The following COX4I2 variants were observed in gnomAD, a reference collection of about 807,000 sequenced individuals.
COX4I2 encodes the protein cytochrome c oxidase subunit 4 isoform 2, mitochondrial.
Under a neutral mutation model 20.8 loss-of-function variants are expected in COX4I2, and 15 were observed. The observed-to-expected ratio is 0.72, with a 90% CI of 0.48 to 1.11. The LOEUF (loss-of-function observed/expected upper bound fraction) is 1.11, where lower values mean the gene tolerates loss of function less well. Among genes scored for constraint, COX4I2 ranks in the 50% most tolerant of loss-of-function variants. COX4I2 has a pLI of 0.00. For synonymous variants in COX4I2, 80 were observed against 78.1 expected (o/e 1.02, Z -0.13); for missense variants, 224 against 223.0 (o/e 1.00, Z -0.03).
In COX4I2 at chr20:31,639,961, CACCA is replaced by C. The variant is rs2060457877; in HGVS notation, c.114_117del (p.Asn39AlafsTer25). On this transcript the variant is annotated frameshift_variant, in exon 3 of 5. Coordinates refer to ENST00000376075, the MANE Select transcript of COX4I2 (RefSeq NM_032609.3). LOFTEE classifies it high-confidence loss of function. ...GTGGTGGGGGGAAGATGTCCCCCTA[CACCA>C]ACTGCTATGCCCAGCGCTACTACCC... 1 of 1,614,056 alleles carries C rather than the reference CACCA, an allele frequency of 6.2e-7. No homozygotes were observed. Among genetic ancestry groups the C allele is most frequent in the Admixed American group, 1.7e-5 (1 of 59,998 alleles).
At chr20:31,640,118 G>A in intron 3 of COX4I2, 21 bp downstream of exon 3, 1 of 1,593,986 alleles carries the variant, frequency 6.3e-7, no homozygotes, top group Non-Finnish European at 8.5e-7. Flanking sequence ...GGGTGGGGCT[G>A]GCTGGAGAGA....
chr20:31,644,117 C>T (rs997609390), intron 4 of COX4I2, among the ~76,000 whole-genome samples: 19 of 152,136 alleles, frequency 1.2e-4, no homozygotes, highest in Admixed American at 4.6e-4. Context: ...GGTGGCCTGT[C>T]CCCATATTTT....
At chr20:31,643,344 G>A (rs1173043246) in intron 3 of COX4I2, 60 bp from the exon 4 acceptor site, 2 of 1,607,552 alleles carry the variant, frequency 1.2e-6, no homozygotes, top group African/African-American at 2.7e-5. Context: ...GGAGGGGGAA[G>A]CCGGGATCAC....
rs2060457961 is a variant in COX4I2 at position 31,639,967 on chromosome 20, C to T, written c.117C>T (p.Asn39=). The change falls in exon 3 of 5, where the codon AAC becomes AAT. Residue 39 remains asparagine, a synonymous_variant. Transcript: ENST00000376075. The part of the protein sequence containing the change: ...RGGGKMSPYT[N]CYAQRYYPMP... ...GGGGGAAGATGTCCCCCTACACCAACTGCTATGCCCAGCGCTACTACCCCA... is the reference window on the plus strand; with the variant it reads ...GGGGGAAGATGTCCCCCTACACCAATTGCTATGCCCAGCGCTACTACCCCA... The T allele has an allele frequency of 1.2e-6, 2 of 1,614,038 alleles. No homozygotes were observed. The highest frequency in any genetic ancestry group is 2.7e-5 in the African/African-American group (2 of 74,938).
intron 1 of COX4I2, among the ~76,000 whole-genome samples, chr20:31,638,240 G>T (rs1352053196): frequency 6.6e-6 from 1 of 151,876 alleles, no homozygotes; most frequent in Non-Finnish European, 1.5e-5. Context: ...CAGAAGTGTG[G>T]GCCGCCCCCT....
rs1300410905 is a variant in COX4I2, at chr20:31,643,420, C to T, written c.264C>T (p.Phe88=). 2 of 1,614,064 alleles carry T rather than the reference C, an allele frequency of 1.2e-6. No individual in the cohort carries two copies. Among genetic ancestry groups the T allele is most frequent in the Admixed American group, 1.7e-5 (1 of 59,994 alleles). ...TGCCTCCAGTGTACCGGCTCCAGTT[C>T]AATGAGACCTTTGCGGAGATGAACC... is the stretch of plus-strand genomic sequence containing the variant. ...AEKVALYRLQ[F]NETFAEMNRR... Residue 88 remains phenylalanine, a synonymous_variant, in exon 4 of 5, where the codon TTC becomes TTT. Transcript: ENST00000376075.
chr20:31,638,881 C>T, intron 1 of COX4I2, 137 bp from the exon 2 acceptor site: 2 of 925,270 alleles, frequency 2.2e-6, no homozygotes, highest in Non-Finnish European at 3.4e-6. Context: ...GGGTCAAGGG[C>T]ATGAGGGTGA....
chr20:31,644,652 G>A (rs962383635), intron 4 of COX4I2, 116 bp from the exon 5 acceptor site: 2 of 1,202,676 alleles, frequency 1.7e-6, no homozygotes, highest in East Asian at 2.4e-5. Flanking sequence ...CTTCAACCCT[G>A]GAGTATCTTG....
chr20:31,642,740 C>A (rs2060475546), intron 3 of COX4I2, among the ~76,000 whole-genome samples: 1 of 152,056 alleles, frequency 6.6e-6, no homozygotes, highest in Admixed American at 6.6e-5. Flanking sequence ...CCCGGACTTA[C>A]CTGGCTAATT....
chr20:31,638,968 G>A lies in COX4I2; in HGVS notation c.1-50G>A, dbSNP rs1318931007. The A allele has an allele frequency of 1.9e-6, 3 of 1,555,888 alleles. No individual in the cohort carries two copies. In the Admixed American group the frequency reaches 5.6e-5, roughly 29 times the overall value. On this transcript the variant is annotated intron_variant, in intron 1 of 4. Coordinates refer to ENST00000376075, the MANE Select transcript of COX4I2 (RefSeq NM_032609.3). Reference sequence around the variant, plus strand: ...TTTCCATCTGGCCCTGCGGTTTGGGGGCAGAGGGTGATGTGGGGGCAGAAC... The same window carrying A: ...TTTCCATCTGGCCCTGCGGTTTGGGAGCAGAGGGTGATGTGGGGGCAGAAC...
intron 3 of COX4I2, among the ~76,000 whole-genome samples, chr20:31,641,379 A>G (rs551684383): frequency 2.3e-4 from 35 of 151,354 alleles, no homozygotes; most frequent in Non-Finnish European, 2.9e-4. Flanking sequence ...AAAAAAAAAA[A>G]AGAGAGAGAG....
intron 1 of COX4I2, among the ~76,000 whole-genome samples, chr20:31,638,400 C>T (rs1350097365): frequency 2.6e-5 from 4 of 151,640 alleles, no homozygotes; most frequent in Admixed American, 6.6e-5. Flanking sequence ...AAGCCCCTCC[C>T]CACCACCATG....
At position 31,637,972 on chromosome 20, in the gene COX4I2, T is replaced by C. The variant is rs1029274259; in HGVS notation, c.-1+10T>C. The C allele has an allele frequency of 6.6e-6, 1 of 152,106 alleles. No homozygotes were observed. The highest frequency in any genetic ancestry group is 1.5e-5 in the Non-Finnish European group (1 of 68,002). The allele number at this position is 152,106 out of a possible 1,614,324, so 9.4% of individuals were successfully genotyped here. A position where few individuals can be genotyped will look rare whatever the true frequency, so the allele number is the denominator to read the frequency against. On this transcript the variant is annotated intron_variant, in intron 1 of 4. Coordinates refer to ENST00000376075, the MANE Select transcript of COX4I2 (RefSeq NM_032609.3). ...CTGCCGAGCCCGCGAGGTGAGTGAG[T>C]TGGGGGAGGACCCCGCCACCCAAGC... is the stretch of plus-strand genomic sequence containing the variant.
intron 2 of COX4I2, 149 bp downstream of exon 2, chr20:31,639,248 G>T: frequency 7.2e-6 from 11 of 1,521,404 alleles, no homozygotes; most frequent in South Asian, 2.4e-5. Flanking sequence ...CTTGGTCCAA[G>T]GTCAAGTTTC....
intron 3 of COX4I2, 37 bp from the exon 4 acceptor site, chr20:31,643,367 C>A: frequency 6.2e-7 from 1 of 1,613,286 alleles, no homozygotes; most frequent in Non-Finnish European, 8.5e-7. Context: ...AGAGTGGACG[C>A]ACCTGAGGCC....
intron 3 of COX4I2, among the ~76,000 whole-genome samples, chr20:31,642,728 C>T (rs1169290375): frequency 3.3e-5 from 5 of 152,112 alleles, no homozygotes; most frequent in Non-Finnish European, 5.9e-5. Flanking sequence ...TGAGCCACTG[C>T]GCCCGGACTT....
intron 2 of COX4I2, among the ~76,000 whole-genome samples, chr20:31,639,555 C>G (rs1292646590): frequency 8.4e-6 from 1 of 119,304 alleles, no homozygotes; most frequent in Non-Finnish European, 1.7e-5. Flanking sequence ...TATTATAAAC[C>G]TCCTTTTTTT....
In COX4I2 at chr20:31,639,980, C is replaced by G; in HGVS notation, c.130C>G (p.Arg44Gly). 6.2e-7 allele frequency: 1 copy of G among 1,614,108 alleles called. No homozygotes were observed. The highest frequency in any genetic ancestry group is 8.5e-7 in the Non-Finnish European group (1 of 1,180,030). The change falls in exon 3 of 5, where the codon CGC becomes GGC. Residue 44 changes from arginine (R) to glycine (G), a missense_variant. Arg to Gly is a moderately radical substitution (Grantham distance 125). Transcript: ENST00000376075. ...CCCCTACACCAACTGCTATGCCCAG[C>G]GCTACTACCCCATGCCAGAAGAGCC... The part of the protein sequence containing the change: ...MSPYTNCYAQ[R>G]YYPMPEEPFC...
At chr20:31,642,624 G>C (rs1010658516) in intron 3 of COX4I2, among the ~76,000 whole-genome samples, 1 of 151,802 alleles carries the variant, frequency 6.6e-6, no homozygotes, top group African/African-American at 2.4e-5. Context: ...ATTTTTAGTA[G>C]AGACGGGGTT....
Sources: allele counts gnomAD v4.1 joint callset (sites outside exome capture counted in the v4.1 genomes callset), GRCh38; gene constraint gnomAD v4.1.1; transcripts MANE v1.5; gene names NCBI Gene and HGNC (gene_info 2026-07-23, HGNC 2026-07-21).